The following ALG9 variants were observed in gnomAD, a reference collection of about 807,000 sequenced individuals.
The protein encoded by ALG9 is ALG9 alpha-1,2-mannosyltransferase, also known as alpha-1,2-mannosyltransferase ALG9.
In ALG9, 55 loss-of-function variants were observed where a neutral mutation model predicts 81.8. The observed-to-expected ratio is 0.67, with a 90% CI of 0.54 to 0.84. The LOEUF is 0.84. Ranked by LOEUF, ALG9 falls within the 40% of genes least tolerant of loss-of-function variation. The pLI, the probability that ALG9 is intolerant of heterozygous loss-of-function variation, is 0.00. For synonymous variants in ALG9, 278 were observed against 274.3 expected (o/e 1.01, Z -0.13); for missense variants, 629 against 745.0 (o/e 0.84, Z 1.81).
In ALG9 at chr11:111,871,545, T is replaced by G; in HGVS notation, c.-63A>C. 1 of 1,533,862 alleles carries G rather than the reference T, an allele frequency of 6.5e-7. No individual in the cohort carries two copies. The highest frequency in any genetic ancestry group is 8.7e-7 in the Non-Finnish European group (1 of 1,145,672). ...AGTCGGTGAGCGCGCAGACATAGCT[T>G]TGGCTGGCAAACGGTGTCCGCCGAG... is the stretch of plus-strand genomic sequence containing the variant. On this transcript the variant is annotated 5_prime_UTR_variant, in exon 1 of 15. Transcript: ENST00000616540.
intron 8 of ALG9, among the ~76,000 whole-genome samples, chr11:111,847,769 A>G (rs1957144678): frequency 6.6e-6 from 1 of 152,090 alleles, no homozygotes; most frequent in Admixed American, 6.6e-5. Flanking sequence ...TCTTTCTTCA[A>G]CAAAAGGGTC....
chr11:111,813,072 G>GC (rs58947945), intron 13 of ALG9, among the ~76,000 whole-genome samples: 152,290 of 152,290 alleles, frequency 1, 76,145 homozygotes, highest in Non-Finnish European at 1. Context: ...ACCAGCTGGT[G>GC]TAGACAACTG....
At chr11:111,778,108 G>A (rs1555055784), downstream of ALG9, 14 of 152,106 alleles carry the variant, frequency 9.2e-5, no homozygotes. Flanking sequence ...GAGTAGAAGG[G>A]CTTAATATTC....
At chr11:111,799,011 T>G (rs1048612549) in intron 14 of ALG9, among the ~76,000 whole-genome samples, 34 of 152,366 alleles carry the variant, frequency 2.2e-4, no homozygotes, top group African/African-American at 7.2e-4. Flanking sequence ...TTGCTTATCT[T>G]GCAACAATTT....
chr11:111,839,590 A>G (rs1427193546), intron 10 of ALG9, among the ~76,000 whole-genome samples: 1 of 116,210 alleles, frequency 8.6e-6, no homozygotes, highest in Admixed American at 8.0e-5. Context: ...TTCCGTCTCA[A>G]AAAAAAAAAA....
intron 13 of ALG9, among the ~76,000 whole-genome samples, chr11:111,830,058 A>C (rs1348015874): frequency 6.6e-6 from 1 of 152,238 alleles, no homozygotes; most frequent in Non-Finnish European, 1.5e-5. Flanking sequence ...AAGAAATGTC[A>C]ATGGTCTTAG....
chr11:111,804,512 G>C (rs574294186), intron 14 of ALG9, among the ~76,000 whole-genome samples: 33 of 152,196 alleles, frequency 2.2e-4, no homozygotes, highest in African/African-American at 7.9e-4. Flanking sequence ...AACTACTTGA[G>C]CCCAGGAGTT....
At chr11:111,817,889 C>T (rs1555099347) in intron 13 of ALG9, among the ~76,000 whole-genome samples, 1 of 151,980 alleles carries the variant, frequency 6.6e-6, no homozygotes, top group African/African-American at 2.4e-5. Flanking sequence ...CGATTCTCCC[C>T]TGCCTCAGCC....
chr11:111,830,480 G>A (rs1348496284), intron 13 of ALG9, among the ~76,000 whole-genome samples: 2 of 152,130 alleles, frequency 1.3e-5, no homozygotes, highest in African/African-American at 4.8e-5. Flanking sequence ...AATCATTATA[G>A]ATCATGGAAA....
At chr11:111,860,406 G>T in intron 5 of ALG9, 141 bp downstream of exon 5, 2 of 757,244 alleles carry the variant, frequency 2.6e-6, no homozygotes, top group East Asian at 2.6e-5. Flanking sequence ...TTATTGACAT[G>T]TTCTACAAAT....
In ALG9 at chr11:111,871,530, C is replaced by A. The variant is rs1555159222; in HGVS notation, c.-48G>T. 2 of 1,534,856 alleles carry A rather than the reference C, an allele frequency of 1.3e-6. No homozygotes were observed. Among genetic ancestry groups the A allele is most frequent in the South Asian group, 1.2e-5 (1 of 83,666 alleles). On this transcript the variant is annotated 5_prime_UTR_variant, in exon 1 of 15. Coordinates refer to ENST00000616540, the MANE Select transcript of ALG9 (RefSeq NM_024740.2). The stretch of plus-strand genomic sequence containing the variant: ...TTCGGCACCCTATGAAGTCGGTGAG[C>A]GCGCAGACATAGCTTTGGCTGGCAA...
intron 4 of ALG9, among the ~76,000 whole-genome samples, 185 bp downstream of exon 4, chr11:111,864,996 C>G (rs1961821427): frequency 1.3e-5 from 2 of 152,148 alleles, no homozygotes; most frequent in Non-Finnish European, 2.9e-5. Context: ...AGGCTGGTCT[C>G]AAACTCTCTA....
intron 9 of ALG9, among the ~76,000 whole-genome samples, chr11:111,842,176 C>A (rs931419857): frequency 2.0e-5 from 3 of 152,152 alleles, no homozygotes; most frequent in South Asian, 2.1e-4. Flanking sequence ...GGATTACAGG[C>A]GTGAGCCACT....
intron 13 of ALG9, among the ~76,000 whole-genome samples, chr11:111,825,972 A>G (rs1389647575): frequency 5.9e-5 from 9 of 151,816 alleles, no homozygotes; most frequent in African/African-American, 2.2e-4. Flanking sequence ...AAGCTGAGAC[A>G]GGAGAATCAC....
the ALG9 span, chr11:111,768,618 A>C: frequency 1.3e-5 from 2 of 151,976 alleles, no homozygotes; most frequent in Non-Finnish European, 2.9e-5. Context: ...ATAATGACTT[A>C]ACTGAGAGTT....
intron 8 of ALG9, 39 bp from the exon 9 acceptor site, chr11:111,844,762 C>T (rs576725312): frequency 1.2e-6 from 2 of 1,604,468 alleles, no homozygotes; most frequent in African/African-American, 1.3e-5. Context: ...TTAGTGGATG[C>T]CTTTAACACC....
chr11:111,821,940 G>C (rs114379329), intron 13 of ALG9, among the ~76,000 whole-genome samples: 508 of 152,160 alleles, frequency 3.3e-3, no homozygotes, highest in African/African-American at 0.012. Context: ...GGCTACCCAG[G>C]CTTCTCTGAA....
Position 111,787,007 on chromosome 11 carries a change from C to A in ALG9, c.1734-487G>T, listed in dbSNP as rs143128022. Among the ~76,000 whole-genome samples the A allele has an allele frequency of 3.6e-4, 55 of 152,262 alleles. 1 individual carries two copies. Among genetic ancestry groups the A allele is most frequent in the African/African-American group, 1.3e-3 (55 of 41,554 alleles). ...TTGTCTAAGTCAAGGAAAGAGTCTA[C>A]ACACAAGTTCATGTTGTGACAACAT... On this transcript the variant is annotated intron_variant, in intron 14 of 14. Transcript: ENST00000616540.
chr11:111,799,557 G>C (rs782567063), intron 14 of ALG9, among the ~76,000 whole-genome samples: 13 of 150,642 alleles, frequency 8.6e-5, no homozygotes, highest in Non-Finnish European at 1.5e-4. Flanking sequence ...ACAATAATAA[G>C]AATTGTCAGC....
Sources: allele counts gnomAD v4.1 joint callset (sites outside exome capture counted in the v4.1 genomes callset), GRCh38; gene constraint gnomAD v4.1.1; transcripts MANE v1.5; gene names NCBI Gene and HGNC (gene_info 2026-07-23, HGNC 2026-07-21).